CDC42BPB: variants seen among roughly 807,000 people sequenced by gnomAD.
CDC42BPB encodes the protein CDC42 binding protein kinase beta.
In CDC42BPB, 37 loss-of-function variants were observed where a neutral mutation model predicts 214.9. The observed-to-expected ratio is 0.17, with a 90% CI of 0.13 to 0.23. The LOEUF is 0.23. CDC42BPB is among the 10% of genes least tolerant of loss of function. The pLI is 1.00. For synonymous variants in CDC42BPB, 931 were observed against 884.0 expected, an observed-to-expected ratio of 1.05 and a Z score of -0.94; for missense variants, 1,694 against 2,227.0, an observed-to-expected ratio of 0.76 and a Z score of 4.82.
chr14:102,938,226 A>C (rs34898438), intron 35 of CDC42BPB, 52 bp from the exon 36 acceptor site: 45 of 1,605,520 alleles, frequency 2.8e-5, no homozygotes, highest in Non-Finnish European at 3.8e-5. Context: ...GAACGGAATC[A>C]AATGCCTGGG....
intron 1 of CDC42BPB, among the ~76,000 whole-genome samples, chr14:103,050,659 A>G (rs1888548648): frequency 6.6e-6 from 1 of 152,160 alleles, no homozygotes; most frequent in South Asian, 2.1e-4. Context: ...CAGGAGGCTG[A>G]GGCTGGAGGA....
In CDC42BPB at chr14:102,944,267, C is replaced by A; in HGVS notation, c.4032G>T (p.Leu1344=). 1 of 1,613,230 alleles carries A rather than the reference C, an allele frequency of 6.2e-7. No homozygotes were observed. The highest frequency in any genetic ancestry group is 8.5e-7 in the Non-Finnish European group (1 of 1,180,040). Residue 1344 remains leucine, a synonymous_variant, in exon 30 of 37, where the codon CTG becomes CTT. Coordinates refer to ENST00000361246, the MANE Select transcript of CDC42BPB (RefSeq NM_006035.4). The surrounding 1 kb of genome is among the most constrained non-coding windows in gnomAD (Gnocchi z 6.6). ...ATLKRNSGTC[L]FVAVKRLILC... is the part of the protein sequence containing the mutation. ...GGATCAGCCGTTTCACGGCCACAAA[C>A]AGGCAGGTGCCAGAGTTCCTCTTGA... is the stretch of plus-strand genomic sequence containing the variant.
At chr14:102,967,900 C>A (rs1049493334) in intron 16 of CDC42BPB, among the ~76,000 whole-genome samples, 1 of 151,908 alleles carries the variant, frequency 6.6e-6, no homozygotes, top group African/African-American at 2.4e-5. Flanking sequence ...TTGAGACCAT[C>A]CTGGCTAACA....
intron 27 of CDC42BPB, 103 bp from the exon 28 acceptor site, chr14:102,946,787 G>C: frequency 6.7e-7 from 1 of 1,493,268 alleles, no homozygotes; most frequent in Non-Finnish European, 8.9e-7. Context: ...GAGCAACGGG[G>C]GCTGATGTGC....
chr14:103,017,552 C>T (rs1271487365), intron 1 of CDC42BPB, among the ~76,000 whole-genome samples: 1 of 152,088 alleles, frequency 6.6e-6, no homozygotes, highest in East Asian at 1.9e-4. Context: ...CGCAACCGCA[C>T]ATCCCACAGG....
intron 25 of CDC42BPB, 26 bp from the exon 26 acceptor site, chr14:102,949,930 A>AGTGCTAGAGGCGGTCGAT (rs1892406516): frequency 6.2e-7 from 1 of 1,610,690 alleles, no homozygotes; most frequent in Admixed American, 1.7e-5. Flanking sequence ...AACAGTGGCC[A>AGTGCTAGAGGCGGTCGAT]CGTTCCACCA....
intron 1 of CDC42BPB, among the ~76,000 whole-genome samples, chr14:103,052,788 G>C (rs1347271621): frequency 6.6e-6 from 1 of 152,210 alleles, no homozygotes; most frequent in Non-Finnish European, 1.5e-5. Context: ...CAGCAGCCAG[G>C]GCAGAGGACC....
chr14:103,031,972 T>G (rs1489210702), intron 1 of CDC42BPB, among the ~76,000 whole-genome samples: 1 of 150,186 alleles, frequency 6.7e-6, no homozygotes, highest in African/African-American at 2.5e-5. Context: ...AGACCTGCCT[T>G]CTATTATTAT....
intron 1 of CDC42BPB, among the ~76,000 whole-genome samples, chr14:103,034,238 C>A (rs1049323345): frequency 1.3e-5 from 2 of 152,184 alleles, no homozygotes; most frequent in African/African-American, 4.8e-5. Context: ...ACATTTAAGG[C>A]CAGGCGTGAT....
chr14:102,940,570 C>G (rs984550460), intron 30 of CDC42BPB: 1 of 1,042,258 alleles, frequency 9.6e-7, no homozygotes, highest in Non-Finnish European at 1.3e-6. Flanking sequence ...TTGAATACTA[C>G]AGTACAGATG....
At chr14:103,020,485 A>G (rs1886709814) in intron 1 of CDC42BPB, among the ~76,000 whole-genome samples, 1 of 152,230 alleles carries the variant, frequency 6.6e-6, no homozygotes, top group African/African-American at 2.4e-5. Flanking sequence ...CCGACGGCCC[A>G]GCAAGACCTA....
intron 11 of CDC42BPB, among the ~76,000 whole-genome samples, chr14:102,975,371 A>C (rs1292912344): frequency 1.3e-5 from 2 of 152,122 alleles, no homozygotes; most frequent in Non-Finnish European, 2.9e-5. Context: ...TAAAAATACA[A>C]AATTAGCCGG....
intron 17 of CDC42BPB, 85 bp downstream of exon 17, chr14:102,966,961 A>C: frequency 6.8e-7 from 1 of 1,477,128 alleles, no homozygotes. Context: ...GGCGTGGAGC[A>C]CAGGATCAGG....
At chr14:103,012,525 C>T (rs34005156) in intron 1 of CDC42BPB, among the ~76,000 whole-genome samples, 10,633 of 152,176 alleles carry the variant, frequency 0.07, 831 homozygotes, top group African/African-American at 0.2. Context: ...ATAAATATGG[C>T]CAGGCGCGGT....
chr14:102,947,948 A>G, intron 26 of CDC42BPB, 146 bp from the exon 27 acceptor site: 1 of 1,488,428 alleles, frequency 6.7e-7, no homozygotes, highest in Non-Finnish European at 8.9e-7. Flanking sequence ...CCCAGATGTA[A>G]GAAACACGGG....
intron 1 of CDC42BPB, among the ~76,000 whole-genome samples, chr14:103,027,603 A>G (rs1887122801): frequency 6.6e-6 from 1 of 152,232 alleles, no homozygotes; most frequent in Admixed American, 6.5e-5. Flanking sequence ...GCTAAATGAA[A>G]GAAGCCAGCT....
chr14:102,965,298 T>C (rs925736824), intron 18 of CDC42BPB, among the ~76,000 whole-genome samples: 2 of 151,656 alleles, frequency 1.3e-5, no homozygotes, highest in Admixed American at 6.6e-5. Context: ...AGGTACATTA[T>C]AGGGTTCGGT....
chr14:103,034,335 A>C (rs1205730601), intron 1 of CDC42BPB, among the ~76,000 whole-genome samples: 1 of 152,200 alleles, frequency 6.6e-6, no homozygotes, highest in African/African-American at 2.4e-5. Flanking sequence ...GGGCTCAACT[A>C]GTGAGACCTT....
chr14:103,048,639 C>T (rs1366050675), intron 1 of CDC42BPB, among the ~76,000 whole-genome samples: 1 of 147,142 alleles, frequency 6.8e-6, no homozygotes, highest in Admixed American at 6.9e-5. Context: ...ACCCAGGAGG[C>T]GGAGCCTGCA....
Sources: allele counts gnomAD v4.1 joint callset (sites outside exome capture counted in the v4.1 genomes callset), GRCh38; gene constraint gnomAD v4.1.1; non-coding constraint Gnocchi (gnomAD v3.1); transcripts MANE v1.5; gene names NCBI Gene and HGNC (gene_info 2026-07-23, HGNC 2026-07-21).